AUTS2: variants seen among roughly 807,000 people sequenced by gnomAD.
The protein encoded by AUTS2 is activator of transcription and developmental regulator AUTS2, also known as autism susceptibility gene 2 protein.
A neutral mutation model predicts 112.4 loss-of-function variants in AUTS2; 17 were observed. That is an observed-to-expected ratio of 0.15 (90% CI 0.10 to 0.23). AUTS2 has a LOEUF of 0.23. Ranked by LOEUF, AUTS2 falls within the 10% of genes least tolerant of loss-of-function variation. The pLI is 1.00. For missense variants in AUTS2, 1,510 were observed against 1,701.6 expected (o/e 0.89, Z 1.98); for synonymous variants, 751 against 702.7 (o/e 1.07, Z -1.09).
intron 1 of AUTS2, among the ~76,000 whole-genome samples, chr7:69,859,403 T>G (rs1179235844): frequency 6.6e-6 from 1 of 152,214 alleles, no homozygotes; most frequent in African/African-American, 2.4e-5. Flanking sequence ...AATTTTCTTT[T>G]AATGTATTCC....
At chr7:70,453,858 A>T (rs1020655635) in intron 5 of AUTS2, among the ~76,000 whole-genome samples, 1 of 152,166 alleles carries the variant, frequency 6.6e-6, no homozygotes, top group Non-Finnish European at 1.5e-5. Context: ...ATCTGCAAAG[A>T]TACTTTTTCC....
chr7:70,740,273 A>T (rs1047316688), intron 6 of AUTS2, among the ~76,000 whole-genome samples: 2 of 152,256 alleles, frequency 1.3e-5, no homozygotes, highest in African/African-American at 4.8e-5. Context: ...ACAGTCCTTC[A>T]GGTTTCAATT....
In AUTS2 at chr7:70,791,033, C is replaced by G. The variant is rs747850728; in HGVS notation, c.*37C>G. 6 of 1,463,580 alleles carry G rather than the reference C, an allele frequency of 4.1e-6. No homozygotes were observed. In the East Asian group the frequency reaches 9.6e-5, roughly 23 times the overall value. 90.7% of individuals were successfully genotyped at this position (1,463,580 alleles called of 1,614,324 possible). ...GAGCAAGAACGAGGAAGAAGAAACCCTAGGCAGACACCAGGCCAGGCTTGA... is the reference window on the plus strand; with the variant it reads ...GAGCAAGAACGAGGAAGAAGAAACCGTAGGCAGACACCAGGCCAGGCTTGA... On this transcript the variant is annotated 3_prime_UTR_variant, in exon 19 of 19. Transcript: ENST00000342771.
intron 2 of AUTS2, among the ~76,000 whole-genome samples, chr7:69,928,649 T>C (rs570985340): frequency 6.6e-6 from 1 of 152,120 alleles, no homozygotes; most frequent in South Asian, 2.1e-4. Context: ...CATGCTGCAT[T>C]AGGCACCGAG....
At chr7:70,025,436 A>ACTTT (rs1800472188) in intron 2 of AUTS2, among the ~76,000 whole-genome samples, 1 of 143,288 alleles carries the variant, frequency 7.0e-6, no homozygotes, top group Non-Finnish European at 1.5e-5. Context: ...ATATCTACAT[A>ACTTT]CTTTTTTTGT....
chr7:70,476,813 G>T (rs956811106), intron 5 of AUTS2, among the ~76,000 whole-genome samples: 1 of 152,312 alleles, frequency 6.6e-6, no homozygotes, highest in East Asian at 1.9e-4. Context: ...AAATATGAAT[G>T]TAAAGCACAG....
intron 4 of AUTS2, among the ~76,000 whole-genome samples, chr7:70,265,363 T>C (rs905546431): frequency 1.3e-5 from 2 of 152,166 alleles, no homozygotes; most frequent in Admixed American, 6.5e-5. Context: ...AGTATGCAGT[T>C]TGTCTTTTTT....
chr7:70,362,627 C>G (rs1792322838), intron 4 of AUTS2, among the ~76,000 whole-genome samples: 1 of 151,978 alleles, frequency 6.6e-6, no homozygotes, highest in African/African-American at 2.4e-5. Flanking sequence ...TCCCTCCCTC[C>G]CTCTCTCCTT....
At chr7:70,373,718 A>T (rs949739350) in intron 4 of AUTS2, among the ~76,000 whole-genome samples, 1 of 152,234 alleles carries the variant, frequency 6.6e-6, no homozygotes, top group Non-Finnish European at 1.5e-5. Flanking sequence ...TTCTCATTAC[A>T]AAATGAGTAA....
intron 4 of AUTS2, among the ~76,000 whole-genome samples, chr7:70,135,917 C>A (rs959772036): frequency 6.6e-6 from 1 of 152,162 alleles, no homozygotes; most frequent in Non-Finnish European, 1.5e-5. Flanking sequence ...TATTCTCCAT[C>A]CAAAAGCTAA....
At chr7:69,891,230 A>G (rs1291024194) in intron 1 of AUTS2, among the ~76,000 whole-genome samples, 1 of 152,226 alleles carries the variant, frequency 6.6e-6, no homozygotes, top group Non-Finnish European at 1.5e-5. Flanking sequence ...GGGATCATAC[A>G]TAATATAATC....
chr7:70,411,459 G>A (rs747284813), intron 4 of AUTS2, among the ~76,000 whole-genome samples: 47 of 152,018 alleles, frequency 3.1e-4, no homozygotes, highest in Non-Finnish European at 6.5e-4. Context: ...AGCACCTAGA[G>A]AATGCCAAAA....
chr7:70,382,185 C>T (rs928464242), intron 4 of AUTS2, among the ~76,000 whole-genome samples: 3 of 152,168 alleles, frequency 2.0e-5, no homozygotes, highest in Non-Finnish European at 4.4e-5. Flanking sequence ...GCCTGAAGAT[C>T]GTCATTGGCT....
chr7:70,385,106 A>G (rs1793550510), intron 4 of AUTS2, among the ~76,000 whole-genome samples: 1 of 152,190 alleles, frequency 6.6e-6, no homozygotes, highest in Non-Finnish European at 1.5e-5. Flanking sequence ...TTGCTCCATG[A>G]CTCATGTTCT....
At chr7:70,591,089 C>T (rs1200429673) in intron 5 of AUTS2, among the ~76,000 whole-genome samples, 3 of 152,178 alleles carry the variant, frequency 2.0e-5, no homozygotes, top group Non-Finnish European at 4.4e-5. Flanking sequence ...CCAGTCCTGG[C>T]CTGCCTTTGT....
At chr7:70,325,737 C>G (rs1463112031) in intron 4 of AUTS2, among the ~76,000 whole-genome samples, 1 of 152,172 alleles carries the variant, frequency 6.6e-6, no homozygotes, top group East Asian at 1.9e-4. Context: ...TGCTATCTGA[C>G]CTTGCATATT....
intron 5 of AUTS2, among the ~76,000 whole-genome samples, chr7:70,668,463 C>A (rs982630192): frequency 3.3e-5 from 5 of 152,324 alleles, no homozygotes; most frequent in African/African-American, 1.2e-4. Context: ...ATGACTAAGA[C>A]AACCAAACAC....
intron 4 of AUTS2, among the ~76,000 whole-genome samples, chr7:70,315,682 C>G (rs1585009193): frequency 6.6e-6 from 1 of 152,312 alleles, no homozygotes; most frequent in Non-Finnish European, 1.5e-5. Flanking sequence ...TTGATAGTCT[C>G]TCTCAAGTAG....
intron 2 of AUTS2, among the ~76,000 whole-genome samples, chr7:70,092,047 G>C (rs892714632): frequency 2.5e-4 from 29 of 114,346 alleles, no homozygotes; most frequent in Admixed American, 1.4e-3. Context: ...AATTATATTA[G>C]TGTGCCAGTT....
Sources: allele counts gnomAD v4.1 joint callset (sites outside exome capture counted in the v4.1 genomes callset), GRCh38; gene constraint gnomAD v4.1.1; transcripts MANE v1.5; gene names NCBI Gene and HGNC (gene_info 2026-07-23, HGNC 2026-07-21).